Variants in CALD1 observed in about 807,000 individuals in gnomAD.
The protein encoded by CALD1 is caldesmon.
A neutral mutation model predicts 99.9 loss-of-function variants in CALD1; 33 were observed. That is an observed-to-expected ratio of 0.33 (90% confidence interval 0.25 to 0.44). The LOEUF is 0.44. Among genes scored for constraint, CALD1 ranks in the 20% least tolerant of loss-of-function variants. The pLI is 1.00. For missense variants in CALD1, 861 were observed against 962.1 expected, an observed-to-expected ratio of 0.89 and a Z score of 1.39; for synonymous variants, 310 against 325.0, an observed-to-expected ratio of 0.95 and a Z score of 0.50.
At chr7:134,784,662 A>G (rs970142034) in intron 1 of CALD1, among the ~76,000 whole-genome samples, 4 of 152,180 alleles carry the variant, frequency 2.6e-5, no homozygotes, top group African/African-American at 9.7e-5. Context: ...TGGTAGCTCA[A>G]GTAAAGGGCC....
intron 3 of CALD1, among the ~76,000 whole-genome samples, chr7:134,910,423 G>A (rs1803716166): frequency 6.6e-6 from 1 of 152,176 alleles, no homozygotes; most frequent in African/African-American, 2.4e-5. Context: ...GTTGTACTGA[G>A]TTCTTTTTGC....
Position 134,960,044 on chromosome 7 carries a change from A to C in CALD1, c.2132A>C (p.Asn711Thr). 6.2e-7 allele frequency: 1 copy of C among 1,614,200 alleles called. No individual in the cohort carries two copies. The highest frequency in any genetic ancestry group is 2.2e-5 in the East Asian group (1 of 44,892). The change falls in exon 12 of 15, where the codon AAC becomes ACC. Residue 711 changes from asparagine to threonine, a missense_variant. Physicochemically the swap from Asn to Thr is moderately conservative, Grantham distance 65. This residue lies in a region of CALD1 where 190 missense variants were observed against 249.0 expected (regional missense o/e 0.76). Coordinates refer to ENST00000361675, the MANE Select transcript of CALD1 (RefSeq NM_033138.4). ...DLPVPAEGVR[N>T]IKSMWEKGNV... ...CCTGTTCCTGCTGAAGGTGTACGCAACATCAAGAGTATGTGGGAGAAAGGG... is the reference window on the plus strand; with the variant it reads ...CCTGTTCCTGCTGAAGGTGTACGCACCATCAAGAGTATGTGGGAGAAAGGG...
intron 1 of CALD1, among the ~76,000 whole-genome samples, chr7:134,816,952 G>A (rs755170199): frequency 6.6e-6 from 1 of 152,202 alleles, no homozygotes; most frequent in Non-Finnish European, 1.5e-5. Flanking sequence ...GTAGCTGTCA[G>A]AGGATTAGAG....
At chr7:134,963,712 G>T (rs1435747638) in intron 13 of CALD1, among the ~76,000 whole-genome samples, 2 of 152,082 alleles carry the variant, frequency 1.3e-5, no homozygotes, top group Non-Finnish European at 2.9e-5. Flanking sequence ...AACTGTTATC[G>T]ATCATATTTT....
intron 6 of CALD1, among the ~76,000 whole-genome samples, chr7:134,937,847 A>G (rs899266861): frequency 6.6e-6 from 1 of 152,234 alleles, no homozygotes; most frequent in African/African-American, 2.4e-5. Context: ...AATGAGTTGC[A>G]GACGATCACC....
At chr7:134,711,691 T>C in the CALD1 span, among the ~76,000 whole-genome samples, 3 of 73,360 alleles carry the variant, frequency 4.1e-5, no homozygotes, top group East Asian at 1.4e-3. Flanking sequence ...TGTGTGTGTG[T>C]GTGTGTGTGT....
At chr7:134,936,795 T>C (rs1483064633) in intron 6 of CALD1, among the ~76,000 whole-genome samples, 1 of 152,226 alleles carries the variant, frequency 6.6e-6, no homozygotes, top group Non-Finnish European at 1.5e-5. Context: ...GTTCCTCTGT[T>C]TCTAATAGAA....
intron 1 of CALD1, among the ~76,000 whole-genome samples, chr7:134,797,713 C>T (rs1797799374): frequency 6.6e-6 from 1 of 152,156 alleles, no homozygotes; most frequent in South Asian, 2.1e-4. Context: ...CTGCCTCAGC[C>T]TCCCGAGTAA....
intron 4 of CALD1, among the ~76,000 whole-genome samples, chr7:134,932,564 C>T (rs1458058841): frequency 2.6e-5 from 4 of 152,168 alleles, no homozygotes; most frequent in South Asian, 4.1e-4. Flanking sequence ...AAGGGAAGGC[C>T]ACCAAATAAA....
the CALD1 span, among the ~76,000 whole-genome samples, chr7:134,729,641 C>G: frequency 6.6e-6 from 1 of 152,258 alleles, no homozygotes; most frequent in Admixed American, 6.5e-5. Flanking sequence ...TGGCAGGCCA[C>G]AGCCCTCTTG....
At chr7:134,724,404 C>T in the CALD1 span, among the ~76,000 whole-genome samples, 9 of 152,142 alleles carry the variant, frequency 5.9e-5, no homozygotes, top group African/African-American at 1.4e-4. Flanking sequence ...GAGGGGAGAG[C>T]GCCTGGGGTT....
At chr7:134,929,372 G>A (rs1393351237) in intron 4 of CALD1, among the ~76,000 whole-genome samples, 6 of 151,524 alleles carry the variant, frequency 4.0e-5, no homozygotes, top group East Asian at 2.0e-4. Flanking sequence ...CGCCCAATGC[G>A]CAGTATTTTC....
intron 1 of CALD1, among the ~76,000 whole-genome samples, chr7:134,833,217 T>C (rs1390621145): frequency 1.3e-5 from 2 of 152,166 alleles, no homozygotes; most frequent in East Asian, 1.9e-4. Context: ...AAACTTCTGG[T>C]TTTGGGGGGA....
chr7:134,801,462 T>C (rs1343892674), intron 1 of CALD1, among the ~76,000 whole-genome samples: 1 of 152,222 alleles, frequency 6.6e-6, no homozygotes, highest in Non-Finnish European at 1.5e-5. Context: ...TCTTTAGTAG[T>C]TCCTTTAGAG....
intron 1 of CALD1, among the ~76,000 whole-genome samples, chr7:134,824,217 C>T (rs1307203957): frequency 6.6e-6 from 1 of 152,070 alleles, no homozygotes; most frequent in Non-Finnish European, 1.5e-5. Flanking sequence ...ATTGATTTGC[C>T]TCTGGGTTCT....
chr7:134,963,300 A>C (rs1351879687), intron 13 of CALD1, among the ~76,000 whole-genome samples: 1 of 152,224 alleles, frequency 6.6e-6, no homozygotes, highest in African/African-American at 2.4e-5. Context: ...AATGGCTCCA[A>C]GTTAAATAGG....
intron 13 of CALD1, among the ~76,000 whole-genome samples, chr7:134,964,911 G>A (rs1012272221): frequency 3.9e-5 from 6 of 151,930 alleles, no homozygotes; most frequent in Admixed American, 6.6e-5. Flanking sequence ...GACATGTCAC[G>A]GTCTATATAA....
At chr7:134,912,874 A>G (rs1742183894) in intron 3 of CALD1, among the ~76,000 whole-genome samples, 1 of 152,138 alleles carries the variant, frequency 6.6e-6, no homozygotes, top group African/African-American at 2.4e-5. Flanking sequence ...GTATCAAAAA[A>G]TTGTGCATGG....
At chr7:134,774,564 G>A (rs1585906654) in intron 1 of CALD1, among the ~76,000 whole-genome samples, 2 of 152,322 alleles carry the variant, frequency 1.3e-5, no homozygotes, top group South Asian at 4.1e-4. Context: ...GTTGTGTGGG[G>A]TAGAGGACGC....
Sources: gnomAD v4.1 joint callset for allele counts (sites outside exome capture counted in the v4.1 genomes callset) on GRCh38, gnomAD v4.1.1 for gene constraint, gnomAD v4.1.1 regional missense constraint, MANE v1.5 for transcripts, NCBI Gene and HGNC (gene_info 2026-07-23, HGNC 2026-07-21) for gene names.